ADCY2: variants seen among roughly 807,000 people sequenced by gnomAD.
The protein encoded by ADCY2 is adenylate cyclase type 2.
ADCY2 carries 31 observed loss-of-function variants against 125.2 expected under a neutral mutation model. The observed-to-expected ratio is 0.25, with a 90% CI of 0.19 to 0.33. ADCY2 has a LOEUF of 0.33. Ranked by LOEUF, ADCY2 falls within the 10% of genes least tolerant of loss-of-function variation. The probability of loss-of-function intolerance (pLI) is 1.00; values close to 1 mark genes in which losing one functional copy is unlikely to be tolerated. For missense variants in ADCY2, 904 were observed against 1,418.2 expected, an observed-to-expected ratio of 0.64 and a Z score of 5.82; for synonymous variants, 512 against 548.4, an observed-to-expected ratio of 0.93 and a Z score of 0.93.
At chr5:7,636,394 A>T (rs1738504641) in intron 4 of ADCY2, among the ~76,000 whole-genome samples, 1 of 152,252 alleles carries the variant, frequency 6.6e-6, no homozygotes, top group Non-Finnish European at 1.5e-5. Flanking sequence ...GCCCTATGGC[A>T]TCATGCTGTG....
At chr5:7,449,623 G>A (rs1196427518) in intron 2 of ADCY2, among the ~76,000 whole-genome samples, 1 of 152,124 alleles carries the variant, frequency 6.6e-6, no homozygotes, top group Admixed American at 6.5e-5. Context: ...TATAGGAGCT[G>A]GAAAGAAAAG....
At chr5:7,446,328 T>C (rs1044180378) in intron 2 of ADCY2, among the ~76,000 whole-genome samples, 9 of 152,192 alleles carry the variant, frequency 5.9e-5, no homozygotes, top group African/African-American at 9.6e-5. Flanking sequence ...CACCTGTATT[T>C]GTTTTATTTT....
intron 2 of ADCY2, among the ~76,000 whole-genome samples, chr5:7,442,459 G>A (rs1242286085): frequency 1.3e-5 from 2 of 152,064 alleles, no homozygotes; most frequent in African/African-American, 2.4e-5. Context: ...TTTTGGAGGC[G>A]AGGACAAAAA....
At chr5:7,523,983 G>A (rs1304579689) in intron 3 of ADCY2, among the ~76,000 whole-genome samples, 1 of 152,124 alleles carries the variant, frequency 6.6e-6, no homozygotes, top group East Asian at 1.9e-4. Flanking sequence ...CTTATAGCAC[G>A]TAGAACTTAT....
chr5:7,603,784 C>CTTTTTT, intron 3 of ADCY2, among the ~76,000 whole-genome samples: 755 of 62,814 alleles, frequency 0.012, 3 homozygotes, highest in African/African-American at 0.013. Context: ...TGCTCTCTTT[C>CTTTTTT]TTTTTTTTTT....
At chr5:7,816,220 G>A (rs371362558) in intron 22 of ADCY2, among the ~76,000 whole-genome samples, 170 of 152,344 alleles carry the variant, frequency 1.1e-3, no homozygotes, top group African/African-American at 4.0e-3. Flanking sequence ...AGGCCTAAGA[G>A]GGCAAAAGGA....
rs185503610 is a variant in ADCY2 at position 7,727,416 on chromosome 5, A to C, written c.1871+155A>C. Among the ~76,000 whole-genome samples, 9 of 152,236 alleles carry C rather than the reference A, an allele frequency of 5.9e-5. No individual in the cohort carries two copies. In the East Asian group the frequency reaches 1.7e-3, roughly 29 times the overall value. On this transcript the variant is annotated intron_variant, in intron 14 of 24. Transcript: ENST00000338316. ...GAGTAACCCAGGACCTCGGAGGTTA[A>C]GTGGCCCCCATGTGTCTTCCTTAGC...
intron 3 of ADCY2, among the ~76,000 whole-genome samples, chr5:7,577,088 C>T (rs772932194): frequency 6.6e-5 from 10 of 152,078 alleles, no homozygotes; most frequent in Middle Eastern, 3.2e-3. Flanking sequence ...GTTTGTGATA[C>T]GAAGATTGTT....
intron 22 of ADCY2, among the ~76,000 whole-genome samples, chr5:7,814,108 G>A (rs1206482663): frequency 6.6e-6 from 1 of 152,104 alleles, no homozygotes; most frequent in African/African-American, 2.4e-5. Context: ...AAAGTTAGCT[G>A]ACGGTCAACT....
rs77160825 is a variant in ADCY2 at position 7,548,929 on chromosome 5, T to C, written c.570+28030T>C. Among the ~76,000 whole-genome samples the C allele has an allele frequency of 7.9e-3, 1,201 of 152,312 alleles. 11 individuals carry two copies. The highest frequency in any genetic ancestry group is 0.027 in the African/African-American group (1,133 of 41,562). On this transcript the variant is annotated intron_variant, in intron 3 of 24. Coordinates refer to ENST00000338316, the MANE Select transcript of ADCY2 (RefSeq NM_020546.3). Reference sequence around the variant, plus strand: ...AGAGATAGTAGGCTGAGTGCATTCATTTGTCCTGAAACCCCAGGGCTGAGT... The same window carrying C: ...AGAGATAGTAGGCTGAGTGCATTCACTTGTCCTGAAACCCCAGGGCTGAGT...
chr5:7,555,082 T>C (rs1303781046), intron 3 of ADCY2, among the ~76,000 whole-genome samples: 1 of 152,202 alleles, frequency 6.6e-6, no homozygotes, highest in African/African-American at 2.4e-5. Context: ...TGCACTGAAT[T>C]CATCAATGTC....
intron 7 of ADCY2, 125 bp from the exon 8 acceptor site, chr5:7,706,619 G>C (rs1741275024): frequency 2.8e-6 from 3 of 1,081,524 alleles, no homozygotes; most frequent in Non-Finnish European, 4.1e-6. Flanking sequence ...CCTGCCATAG[G>C]AAGGTTTATG....
intron 18 of ADCY2, among the ~76,000 whole-genome samples, chr5:7,775,222 T>A (rs1209678003): frequency 2.7e-5 from 4 of 148,688 alleles, no homozygotes; most frequent in Non-Finnish European, 4.5e-5. Context: ...TGCACACACA[T>A]ACATATACAT....
At position 7,713,355 on chromosome 5, in the gene ADCY2, G is replaced by A. The variant is rs147885448; in HGVS notation, c.1622+456G>A. On this transcript the variant is annotated intron_variant, in intron 11 of 24. Transcript: ENST00000338316. Reference sequence around the variant, plus strand: ...AAAATACAAAAAAAATTAGCTGGGTGTTGTGGCATATGCCTGTAATCCCAG... The same window carrying A: ...AAAATACAAAAAAAATTAGCTGGGTATTGTGGCATATGCCTGTAATCCCAG... Among the ~76,000 whole-genome samples the A allele has an allele frequency of 8.2e-3, 1,247 of 151,966 alleles. 8 individuals are homozygous for A. The highest frequency in any genetic ancestry group is 0.017 in the Middle Eastern group (5 of 294).
intron 5 of ADCY2, 30 bp from the exon 6 acceptor site, chr5:7,695,720 ACT>A (rs1740868769): frequency 8.9e-6 from 12 of 1,344,488 alleles, no homozygotes; most frequent in Non-Finnish European, 1.2e-5. Context: ...AAACTGGAAA[ACT>A]CTGTCTCCTC....
chr5:7,653,393 T>A (rs998972541), intron 4 of ADCY2, among the ~76,000 whole-genome samples: 2 of 152,088 alleles, frequency 1.3e-5, no homozygotes, highest in Non-Finnish European at 2.9e-5. Flanking sequence ...GAGGACTAAA[T>A]GAGTAAAAAA....
chr5:7,403,451 T>G (rs924834088), intron 1 of ADCY2, among the ~76,000 whole-genome samples: 3 of 152,194 alleles, frequency 2.0e-5, no homozygotes, highest in Non-Finnish European at 4.4e-5. Context: ...GAATTGAATT[T>G]TAGGTGCATA....
chr5:7,789,925 G>A, intron 20 of ADCY2, 125 bp downstream of exon 20: 1 of 716,706 alleles, frequency 1.4e-6, no homozygotes, highest in Non-Finnish European at 2.2e-6. Flanking sequence ...GTTCAAATTG[G>A]CCAAGATTGG....
intron 14 of ADCY2, among the ~76,000 whole-genome samples, chr5:7,730,210 T>C (rs1560915586): frequency 6.6e-6 from 1 of 152,222 alleles, no homozygotes; most frequent in African/African-American, 2.4e-5. Context: ...CAAAAGATAT[T>C]ATTTCTTTTA....
Sources: gnomAD v4.1 joint callset for allele counts (sites outside exome capture counted in the v4.1 genomes callset) on GRCh38, gnomAD v4.1.1 for gene constraint, MANE v1.5 for transcripts, NCBI Gene and HGNC (gene_info 2026-07-23, HGNC 2026-07-21) for gene names.